DCC: variants seen among roughly 807,000 people sequenced by gnomAD.
DCC encodes netrin receptor DCC.
Under a neutral mutation model 172.5 loss-of-function variants are expected in DCC, and 58 were observed. That is an observed-to-expected ratio of 0.34 (90% CI 0.27 to 0.42). The LOEUF (loss-of-function observed/expected upper bound fraction) is 0.42, where lower values mean the gene tolerates loss of function less well. DCC is among the 10% of genes least tolerant of loss of function. The pLI is 1.00. For synonymous variants in DCC, 709 were observed against 644.5 expected (o/e 1.10, Z -1.52); for missense variants, 1,740 against 1,791.0 (o/e 0.97, Z 0.51).
At chr18:52,881,619 T>C (rs1378449962) in intron 2 of DCC, among the ~76,000 whole-genome samples, 2 of 152,190 alleles carry the variant, frequency 1.3e-5, no homozygotes, top group Non-Finnish European at 2.9e-5. Flanking sequence ...TGTAAGTATA[T>C]GGATTTATTG....
chr18:53,310,332 C>G (rs998312735), intron 13 of DCC, among the ~76,000 whole-genome samples: 2 of 151,928 alleles, frequency 1.3e-5, no homozygotes, highest in African/African-American at 4.8e-5. Context: ...ATTTTAATGC[C>G]TATAAGATAC....
At chr18:52,696,401 G>A (rs1485239590) in intron 1 of DCC, among the ~76,000 whole-genome samples, 1 of 152,176 alleles carries the variant, frequency 6.6e-6, no homozygotes, top group Non-Finnish European at 1.5e-5. Flanking sequence ...AGAGCCAAAT[G>A]GAGTCTATGA....
At chr18:53,266,010 A>T (rs978723185) in intron 12 of DCC, among the ~76,000 whole-genome samples, 4 of 152,138 alleles carry the variant, frequency 2.6e-5, no homozygotes, top group African/African-American at 4.8e-5. Flanking sequence ...CTGTGGACAT[A>T]TCATGAAAGT....
chr18:53,129,997 C>T (rs531948417), intron 7 of DCC, among the ~76,000 whole-genome samples: 2 of 152,180 alleles, frequency 1.3e-5, no homozygotes, highest in East Asian at 3.9e-4. Flanking sequence ...TATTCATCTT[C>T]ATCAATATTT....
chr18:53,033,273 C>A (rs144355725), intron 5 of DCC, among the ~76,000 whole-genome samples: 1 of 152,220 alleles, frequency 6.6e-6, no homozygotes, highest in Non-Finnish European at 1.5e-5. Flanking sequence ...TGGAAGACAA[C>A]CCAAGACCTT....
At chr18:53,432,711 C>G (rs1254427639) in intron 21 of DCC, among the ~76,000 whole-genome samples, 2 of 150,696 alleles carry the variant, frequency 1.3e-5, no homozygotes, top group African/African-American at 2.5e-5. Flanking sequence ...TTGTGATGCT[C>G]TCCTTAAAGC....
intron 1 of DCC, among the ~76,000 whole-genome samples, chr18:52,433,662 T>C (rs1450003101): frequency 6.6e-6 from 1 of 152,202 alleles, no homozygotes; most frequent in Non-Finnish European, 1.5e-5. Context: ...TATAAAGATA[T>C]TGTAGTATAC....
rs535202481 is a variant in DCC, at chr18:52,583,260, A to G, written c.92-168794A>G. ...TGTAAATATTTATTGATCAATGTGC[A>G]ATAAAAACACTGGAGAGAAGTATTT... On this transcript the variant is annotated intron_variant, in intron 1 of 28. Coordinates refer to ENST00000442544, the MANE Select transcript of DCC (RefSeq NM_005215.4). Among the ~76,000 whole-genome samples, 8 of 152,352 alleles carry G rather than the reference A, an allele frequency of 5.3e-5. No homozygotes were observed. The South Asian group carries it at 1.7e-3, about 32-fold the overall frequency.
chr18:52,441,499 T>C (rs1987967993), intron 1 of DCC, among the ~76,000 whole-genome samples: 1 of 152,272 alleles, frequency 6.6e-6, no homozygotes, highest in Non-Finnish European at 1.5e-5. Context: ...CCTATCACCA[T>C]AAAAATAAAA....
At chr18:53,356,449 C>A (rs904354611) in intron 15 of DCC, among the ~76,000 whole-genome samples, 9 of 152,036 alleles carry the variant, frequency 5.9e-5, no homozygotes, top group Admixed American at 3.9e-4. Context: ...TTCTAACATG[C>A]AGTTATGTTA....
intron 7 of DCC, among the ~76,000 whole-genome samples, chr18:53,084,453 C>A (rs961435146): frequency 1.3e-5 from 2 of 152,148 alleles, no homozygotes; most frequent in South Asian, 4.1e-4. Context: ...AGTACCTATA[C>A]TTTTTTATTT....
chr18:53,349,378 T>C (rs1049429076), intron 15 of DCC, among the ~76,000 whole-genome samples: 1 of 152,212 alleles, frequency 6.6e-6, no homozygotes, highest in Non-Finnish European at 1.5e-5. Context: ...AACAAGTCTC[T>C]AGGAAGTTCC....
At chr18:52,939,084 T>C in intron 5 of DCC, among the ~76,000 whole-genome samples, 1 of 152,162 alleles carries the variant, frequency 6.6e-6, no homozygotes, top group East Asian at 1.9e-4. Context: ...TACAAACCAC[T>C]GTGGGATTTG....
At position 53,057,538 on chromosome 18, in the gene DCC, C is replaced by T. The variant is rs145626082; in HGVS notation, c.986-5767C>T. 6.8e-3 allele frequency among the ~76,000 whole-genome samples: 1,027 copies of T among 152,112 alleles called. 2 individuals carry two copies. Among genetic ancestry groups the T allele is most frequent in the Admixed American group, 0.012 (178 of 15,236 alleles). ...GTACTTGCAAAGGTCCTAGGAAACC[C>T]AGATCTGATGGAAATGTGGACAATT... On this transcript the variant is annotated intron_variant, in intron 5 of 28. Coordinates refer to ENST00000442544, the MANE Select transcript of DCC (RefSeq NM_005215.4).
At chr18:52,355,337 G>T (rs887202278) in intron 1 of DCC, among the ~76,000 whole-genome samples, 1 of 152,144 alleles carries the variant, frequency 6.6e-6, no homozygotes, top group Non-Finnish European at 1.5e-5. Context: ...GGGGCCCAGA[G>T]AAGCTAGGTG....
intron 7 of DCC, among the ~76,000 whole-genome samples, chr18:53,145,072 C>A (rs1195344858): frequency 1.7e-5 from 2 of 120,188 alleles, no homozygotes; most frequent in African/African-American, 3.1e-5. Flanking sequence ...GTGGTGGGGC[C>A]TTTTGGGAGG....
intron 1 of DCC, among the ~76,000 whole-genome samples, chr18:52,373,238 C>T (rs1598871259): frequency 1.3e-5 from 2 of 152,164 alleles, no homozygotes; most frequent in East Asian, 1.9e-4. Context: ...TGCATCTTTC[C>T]CCCTACCCTC....
chr18:52,744,609 A>AT (rs2036879090), intron 1 of DCC, among the ~76,000 whole-genome samples: 2 of 152,228 alleles, frequency 1.3e-5, no homozygotes, highest in Middle Eastern at 3.2e-3. Context: ...ATCAAAGTGA[A>AT]TAAAATGGCA....
At chr18:52,667,629 T>G (rs1427165952) in intron 1 of DCC, among the ~76,000 whole-genome samples, 1 of 152,200 alleles carries the variant, frequency 6.6e-6, no homozygotes, top group African/African-American at 2.4e-5. Context: ...ATTTATGCAC[T>G]GCTTCTTCTT....
Sources: gnomAD v4.1 joint callset for allele counts (sites outside exome capture counted in the v4.1 genomes callset) on GRCh38, gnomAD v4.1.1 for gene constraint, MANE v1.5 for transcripts, NCBI Gene and HGNC (gene_info 2026-07-23, HGNC 2026-07-21) for gene names.